RAD18: variants seen among roughly 807,000 people sequenced by gnomAD.
The protein encoded by RAD18 is E3 ubiquitin-protein ligase RAD18.
Under a neutral mutation model 60.4 loss-of-function variants are expected in RAD18, and 47 were observed. That is an observed-to-expected ratio of 0.78 (90% CI 0.62 to 0.99). The LOEUF is 0.99. Among genes scored for constraint, RAD18 ranks in the 50% least tolerant of loss-of-function variants. RAD18 has a pLI of 0.00. For missense variants in RAD18, 640 were observed against 593.3 expected (o/e 1.08, Z -0.82); for synonymous variants, 225 against 195.5 (o/e 1.15, Z -1.26).
intron 10 of RAD18, among the ~76,000 whole-genome samples, chr3:8,899,680 T>C (rs774841233): frequency 1.4e-4 from 21 of 152,194 alleles, no homozygotes; most frequent in Non-Finnish European, 2.8e-4. Context: ...GGATGCAGTG[T>C]TTACAAAAAT....
chr3:8,917,753 A>G (rs1940232460), intron 7 of RAD18, among the ~76,000 whole-genome samples: 1 of 152,124 alleles, frequency 6.6e-6, no homozygotes, highest in Non-Finnish European at 1.5e-5. Context: ...AAACAGCAAG[A>G]TATTAAATTC....
intron 11 of RAD18, among the ~76,000 whole-genome samples, chr3:8,892,085 C>A (rs138627074): frequency 7.9e-4 from 120 of 152,232 alleles, no homozygotes; most frequent in African/African-American, 2.6e-3. Context: ...ATCAAAAATT[C>A]CTTTAACATT....
intron 4 of RAD18, among the ~76,000 whole-genome samples, chr3:8,945,788 A>G (rs1940830183): frequency 2.0e-5 from 3 of 152,242 alleles, no homozygotes; most frequent in African/African-American, 7.2e-5. Flanking sequence ...CATTTTTAAG[A>G]AAAAGTTTAA....
At chr3:8,919,529 T>A (rs1423917421) in intron 7 of RAD18, among the ~76,000 whole-genome samples, 1 of 152,234 alleles carries the variant, frequency 6.6e-6, no homozygotes, top group Non-Finnish European at 1.5e-5. Flanking sequence ...TTTGAGAGCC[T>A]TGAAACATGT....
intron 5 of RAD18, among the ~76,000 whole-genome samples, chr3:8,940,606 A>G (rs1336659767): frequency 6.6e-6 from 1 of 152,244 alleles, no homozygotes; most frequent in Non-Finnish European, 1.5e-5. Flanking sequence ...TCTAAACTTC[A>G]CTGGAAAGAA....
chr3:8,937,315 G>C (rs984321408), intron 6 of RAD18, among the ~76,000 whole-genome samples: 3 of 152,086 alleles, frequency 2.0e-5, no homozygotes, highest in African/African-American at 7.2e-5. Flanking sequence ...GAACTGTACT[G>C]TTCACTGGCA....
intron 2 of RAD18, among the ~76,000 whole-genome samples, chr3:8,954,886 A>C (rs1029671046): frequency 6.6e-6 from 1 of 152,148 alleles, no homozygotes; most frequent in Non-Finnish European, 1.5e-5. Flanking sequence ...ACATGACGGG[A>C]CTTGTGACAA....
rs950854332 is a variant in RAD18, at chr3:8,877,083, A to C, written c.*4274T>G. The C allele has an allele frequency of 3.3e-5, 5 of 152,234 alleles. No individual in the cohort carries two copies. The highest frequency in any genetic ancestry group is 5.9e-5 in the Non-Finnish European group (4 of 68,028). 9.4% of individuals were successfully genotyped at this position (152,234 alleles called of 1,614,324 possible). A position where few individuals can be genotyped will look rare whatever the true frequency, so the allele number is the denominator to read the frequency against. ...CACTTACTAGCATAAGCTGACTTCC[A>C]TAACTTTATTCTAATATTTTGTATT... On this transcript the variant is annotated 3_prime_UTR_variant, in exon 13 of 13. Transcript: ENST00000264926.
chr3:8,923,092 C>G (rs550487), intron 7 of RAD18, among the ~76,000 whole-genome samples: 104,623 of 151,520 alleles, frequency 0.69, 36,632 homozygotes, highest in Middle Eastern at 0.77. Flanking sequence ...GAGAGAAGAA[C>G]GCTTCAGATG....
chr3:8,907,743 G>A (rs189882453), intron 9 of RAD18, among the ~76,000 whole-genome samples: 17 of 151,978 alleles, frequency 1.1e-4, no homozygotes, highest in Admixed American at 9.8e-4. Flanking sequence ...ACTCCCATCC[G>A]CTGCCAGCCA....
chr3:8,936,191 A>G, intron 6 of RAD18, 136 bp from the exon 7 acceptor site: 1 of 876,392 alleles, frequency 1.1e-6, no homozygotes, highest in Non-Finnish European at 1.7e-6. Context: ...AGGGGAGAGA[A>G]AAATCAAGTT....
At chr3:8,956,254 A>G (rs1336039035) in intron 2 of RAD18, among the ~76,000 whole-genome samples, 1 of 152,180 alleles carries the variant, frequency 6.6e-6, no homozygotes, top group Non-Finnish European at 1.5e-5. Flanking sequence ...CTTTGGGGCT[A>G]CTATTAAGTA....
At chr3:8,906,762 CTCTATT>C (rs1940008144) in intron 9 of RAD18, among the ~76,000 whole-genome samples, 1 of 143,624 alleles carries the variant, frequency 7.0e-6, no homozygotes, top group Admixed American at 7.0e-5. Context: ...TAATAGAAAT[CTCTATT>C]TCTATTTTTT....
intron 7 of RAD18, among the ~76,000 whole-genome samples, chr3:8,934,130 A>G (rs1940610594): frequency 6.6e-6 from 1 of 152,234 alleles, no homozygotes; most frequent in Admixed American, 6.5e-5. Flanking sequence ...CTCACAACAT[A>G]TGCTAAAATC....
intron 2 of RAD18, among the ~76,000 whole-genome samples, chr3:8,953,034 C>T (rs554687300): frequency 6.6e-4 from 100 of 152,036 alleles, no homozygotes; most frequent in Non-Finnish European, 8.4e-4. Flanking sequence ...GAATGTGTAT[C>T]GCTTTCACAC....
chr3:8,887,716 TAG>T (rs1029716088), intron 12 of RAD18, among the ~76,000 whole-genome samples: 1 of 152,152 alleles, frequency 6.6e-6, no homozygotes, highest in Non-Finnish European at 1.5e-5. Context: ...GTCTTGCAAG[TAG>T]AGTCTTCAGG....
chr3:8,923,258 G>A (rs983608830), intron 7 of RAD18, among the ~76,000 whole-genome samples: 2 of 152,168 alleles, frequency 1.3e-5, no homozygotes, highest in African/African-American at 2.4e-5. Flanking sequence ...CAAAAACTAC[G>A]TGACGAATGC....
chr3:8,930,083 T>C (rs1347740815), intron 7 of RAD18, among the ~76,000 whole-genome samples: 3 of 152,126 alleles, frequency 2.0e-5, no homozygotes, highest in Non-Finnish European at 4.4e-5. Context: ...AAAGACACAA[T>C]AGAAATGAAA....
intron 7 of RAD18, among the ~76,000 whole-genome samples, chr3:8,923,219 A>T (rs1478638359): frequency 6.6e-6 from 1 of 152,240 alleles, no homozygotes; most frequent in Non-Finnish European, 1.5e-5. Flanking sequence ...AAGTCCTTAA[A>T]TGACCTGATG....
Sources: allele counts gnomAD v4.1 joint callset (sites outside exome capture counted in the v4.1 genomes callset), GRCh38; gene constraint gnomAD v4.1.1; transcripts MANE v1.5; gene names NCBI Gene and HGNC (gene_info 2026-07-23, HGNC 2026-07-21).